CNTNAP5: variants seen among roughly 807,000 people sequenced by gnomAD.
CNTNAP5 encodes contactin associated protein family member 5.
CNTNAP5 carries 72 observed loss-of-function variants against 150.2 expected under a neutral mutation model. The observed-to-expected ratio is 0.48, with a 90% confidence interval of 0.40 to 0.58. CNTNAP5 has a LOEUF of 0.58. Ranked by LOEUF, CNTNAP5 falls within the 20% of genes least tolerant of loss-of-function variation. The pLI, the probability that CNTNAP5 is intolerant of heterozygous loss-of-function variation, is 0.00. For missense variants in CNTNAP5, 1,636 were observed against 1,626.2 expected (o/e 1.01, Z -0.10); for synonymous variants, 672 against 619.8 (o/e 1.08, Z -1.25).
intron 3 of CNTNAP5, among the ~76,000 whole-genome samples, chr2:124,335,570 C>T (rs191410936): frequency 4.8e-4 from 72 of 149,608 alleles, no homozygotes; most frequent in Non-Finnish European, 7.7e-4. Context: ...AAGGATGAGA[C>T]GACATGAATA....
intron 1 of CNTNAP5, among the ~76,000 whole-genome samples, chr2:124,085,251 T>C (rs1168097116): frequency 2.0e-5 from 3 of 152,142 alleles, no homozygotes; most frequent in Non-Finnish European, 4.4e-5. Flanking sequence ...TACAGGACTA[T>C]CCAAATGATA....
At chr2:124,638,904 C>T (rs1186341859) in intron 12 of CNTNAP5, among the ~76,000 whole-genome samples, 2 of 152,116 alleles carry the variant, frequency 1.3e-5, no homozygotes, top group Admixed American at 1.3e-4. Flanking sequence ...GTTAACAATG[C>T]TTTATTCGAT....
chr2:124,600,769 AAG>A (rs1484019694), intron 11 of CNTNAP5, among the ~76,000 whole-genome samples: 1 of 101,784 alleles, frequency 9.8e-6, no homozygotes, highest in Non-Finnish European at 2.2e-5. Context: ...GAGAGAGAGA[AAG>A]AGAGAGAAAG....
chr2:124,082,075 C>T (rs980923996), intron 1 of CNTNAP5, among the ~76,000 whole-genome samples: 2 of 152,100 alleles, frequency 1.3e-5, no homozygotes, highest in African/African-American at 2.4e-5. Flanking sequence ...CAGGGCCAGG[C>T]GCAGTGGCTC....
At chr2:124,336,407 G>A (rs542987190) in intron 3 of CNTNAP5, among the ~76,000 whole-genome samples, 3 of 151,952 alleles carry the variant, frequency 2.0e-5, no homozygotes, top group Non-Finnish European at 4.4e-5. Context: ...AAGTTTTAGG[G>A]TACATGTGCA....
chr2:124,134,345 T>C (rs1169303686), intron 1 of CNTNAP5, among the ~76,000 whole-genome samples: 2 of 151,460 alleles, frequency 1.3e-5, no homozygotes, highest in East Asian at 3.9e-4. Flanking sequence ...TCCACACTAG[T>C]TAGCCCTTGA....
chr2:124,893,997 T>G (rs1198065369), intron 21 of CNTNAP5, among the ~76,000 whole-genome samples: 1 of 152,182 alleles, frequency 6.6e-6, no homozygotes, highest in East Asian at 1.9e-4. Context: ...GACCACATTT[T>G]AAACACATAC....
intron 1 of CNTNAP5, among the ~76,000 whole-genome samples, chr2:124,126,609 AAG>A (rs1266628345): frequency 6.7e-6 from 1 of 150,020 alleles, no homozygotes; most frequent in African/African-American, 2.4e-5. Flanking sequence ...ACAACAAAAA[AAG>A]AGAATTTTAG....
intron 12 of CNTNAP5, among the ~76,000 whole-genome samples, chr2:124,625,628 C>T (rs547357202): frequency 3.8e-4 from 58 of 152,200 alleles, no homozygotes; most frequent in African/African-American, 1.2e-3. Flanking sequence ...GGCCTAGAAT[C>T]GCTGCTCTTC....
At chr2:124,096,826 C>T (rs772248524) in intron 1 of CNTNAP5, among the ~76,000 whole-genome samples, 1 of 152,052 alleles carries the variant, frequency 6.6e-6, no homozygotes, top group Non-Finnish European at 1.5e-5. Context: ...GCCTCAACCT[C>T]CCGAGTAGCT....
chr2:124,119,404 A>T, intron 1 of CNTNAP5, among the ~76,000 whole-genome samples: 1 of 148,912 alleles, frequency 6.7e-6, no homozygotes, highest in Admixed American at 6.7e-5. Flanking sequence ...TGATCCTTAG[A>T]GCAATTCATG....
intron 12 of CNTNAP5, 42 bp from the exon 13 acceptor site, chr2:124,647,716 T>A: frequency 6.6e-7 from 1 of 1,525,986 alleles, no homozygotes; most frequent in Non-Finnish European, 8.8e-7. Context: ...TTTTTGACAT[T>A]GCTTCTAACG....
At chr2:124,176,747 T>A (rs1179548723) in intron 1 of CNTNAP5, among the ~76,000 whole-genome samples, 4 of 152,124 alleles carry the variant, frequency 2.6e-5, no homozygotes, top group Admixed American at 2.6e-4. Flanking sequence ...GCAGCATTCC[T>A]TCTTTCTGGG....
chr2:124,747,453 A>G, intron 14 of CNTNAP5, 68 bp downstream of exon 14: 1 of 1,557,512 alleles, frequency 6.4e-7, no homozygotes, highest in South Asian at 1.1e-5. Context: ...AAATTCCCCA[A>G]GACAGAAGGA....
chr2:124,782,553 A>G (rs887554268), intron 17 of CNTNAP5, among the ~76,000 whole-genome samples: 37 of 152,236 alleles, frequency 2.4e-4, no homozygotes, highest in Admixed American at 9.2e-4. Flanking sequence ...CAGATTTCCA[A>G]TAAGTATCCC....
intron 1 of CNTNAP5, among the ~76,000 whole-genome samples, chr2:124,159,601 A>G (rs777783527): frequency 2.6e-5 from 4 of 152,202 alleles, no homozygotes; most frequent in Admixed American, 6.5e-5. Context: ...ACTAGGTCTT[A>G]GTTTCCTTAA....
chr2:124,394,245 A>G (rs1197631475), intron 3 of CNTNAP5, among the ~76,000 whole-genome samples: 2 of 151,784 alleles, frequency 1.3e-5, no homozygotes, highest in Non-Finnish European at 2.9e-5. Context: ...GGTGGCTCAC[A>G]ACTGTAATCC....
chr2:124,362,283 G>A lies in CNTNAP5; in HGVS notation c.382-55160G>A, dbSNP rs546505566. On this transcript the variant is annotated intron_variant, in intron 3 of 23. Coordinates refer to ENST00000682447, the MANE Select transcript of CNTNAP5 (RefSeq NM_001367498.1). Reference sequence around the variant, plus strand: ...ATCACCCGTCTTCTGCGTCGCTCACGCTGGGAGCTGTAGACCGGAGCTATT... The same window carrying A: ...ATCACCCGTCTTCTGCGTCGCTCACACTGGGAGCTGTAGACCGGAGCTATT... Among the ~76,000 whole-genome samples, 3 of 152,162 alleles carry A rather than the reference G, an allele frequency of 2.0e-5. No homozygotes were observed. The South Asian group carries it at 6.2e-4, about 32-fold the overall frequency.
At chr2:124,745,255 G>A (rs766175942) in intron 13 of CNTNAP5, among the ~76,000 whole-genome samples, 35 of 152,208 alleles carry the variant, frequency 2.3e-4, no homozygotes, top group Middle Eastern at 3.4e-3. Context: ...ATAGCCTTTC[G>A]GGTAGTTCAT....
Sources: allele counts gnomAD v4.1 joint callset (sites outside exome capture counted in the v4.1 genomes callset), GRCh38; gene constraint gnomAD v4.1.1; transcripts MANE v1.5; gene names NCBI Gene and HGNC (gene_info 2026-07-23, HGNC 2026-07-21).